The following ABHD2 variants were observed in gnomAD, a reference collection of about 807,000 sequenced individuals.
ABHD2 encodes the protein monoacylglycerol lipase ABHD2.
A neutral mutation model predicts 48.1 loss-of-function variants in ABHD2; 20 were observed. The ratio of observed to expected loss-of-function variants is 0.42; its 90% CI spans 0.29 to 0.60. The LOEUF (loss-of-function observed/expected upper bound fraction) is 0.60. Among genes scored for constraint, ABHD2 ranks in the 20% least tolerant of loss-of-function variants. The pLI is 0.24. For synonymous variants in ABHD2, 209 were observed against 214.2 expected (o/e 0.98, Z 0.21); for missense variants, 405 against 550.9 (o/e 0.74, Z 2.65).
chr15:89,122,329 C>A (rs763920686), intron 3 of ABHD2, among the ~76,000 whole-genome samples: 1 of 152,144 alleles, frequency 6.6e-6, no homozygotes, highest in African/African-American at 2.4e-5. Flanking sequence ...AATCAAGAGC[C>A]GCATACCTGG....
At position 89,120,541 on chromosome 15, in the gene ABHD2, G is replaced by A. The variant is rs761154665; in HGVS notation, c.194+4020G>A. The stretch of plus-strand genomic sequence containing the variant: ...GTTGCCTAGGCTGGAGTACAGTGGC[G>A]CAATCTCAAATCTCGGTTCACTGCA... On this transcript the variant is annotated intron_variant, in intron 3 of 10. Coordinates refer to ENST00000352732, the MANE Select transcript of ABHD2 (RefSeq NM_152924.5). This position sits in a 1 kb window ranked among gnomAD's most constrained non-coding sequence, Gnocchi z 4.2. Among the ~76,000 whole-genome samples, 4 of 151,990 alleles carry A rather than the reference G, an allele frequency of 2.6e-5. No homozygotes were observed. Among genetic ancestry groups the A allele is most frequent in the Non-Finnish European group, 4.4e-5 (3 of 68,010 alleles).
At chr15:89,130,914 A>G (rs1191471350) in intron 3 of ABHD2, among the ~76,000 whole-genome samples, 2 of 152,154 alleles carry the variant, frequency 1.3e-5, no homozygotes, top group Admixed American at 6.5e-5. Flanking sequence ...GAAGCAGCAC[A>G]CCTGTGTCCA....
At chr15:89,060,709 G>C in the ABHD2 span, among the ~76,000 whole-genome samples, 20 of 152,124 alleles carry the variant, frequency 1.3e-4, no homozygotes, top group East Asian at 3.3e-3. Flanking sequence ...TAAGTGATTT[G>C]TGTTCACTGT....
chr15:89,201,675 G>T lies in ABHD2; in HGVS notation c.*6252G>T, dbSNP rs934188248. On this transcript the variant is annotated 3_prime_UTR_variant, in exon 11 of 11. Transcript: ENST00000352732. Reference sequence around the variant, plus strand: ...CACTTTGAAACACACTTTTCTATCCGATGGATTTCGCAATTTAAGATTTGT... The same window carrying T: ...CACTTTGAAACACACTTTTCTATCCTATGGATTTCGCAATTTAAGATTTGT... The T allele has an allele frequency of 4.5e-5, 73 of 1,608,366 alleles. No individual in the cohort carries two copies. The East Asian group carries it at 1.2e-3, about 27-fold the overall frequency.
intron 3 of ABHD2, among the ~76,000 whole-genome samples, chr15:89,132,877 G>A (rs1346216422): frequency 6.6e-6 from 1 of 152,216 alleles, no homozygotes; most frequent in African/African-American, 2.4e-5. Flanking sequence ...GGATGGAGTT[G>A]TTGACCATCT....
rs142929307 is a variant in ABHD2, at chr15:89,118,324, C to T, written c.194+1803C>T. Among the ~76,000 whole-genome samples, 414 of 152,132 alleles carry T rather than the reference C, an allele frequency of 2.7e-3. 3 individuals are homozygous for T. Among genetic ancestry groups the T allele is most frequent in the African/African-American group, 9.6e-3 (398 of 41,510 alleles). ...TTAGCCTCCCCAGTAGCTGGGACTA[C>T]GTGCCACCACGCCCAGCTAATTTTT... is the stretch of plus-strand genomic sequence containing the variant. On this transcript the variant is annotated intron_variant, in intron 3 of 10. Transcript: ENST00000352732.
chr15:89,078,203 A>G, the ABHD2 span, among the ~76,000 whole-genome samples: 1 of 152,196 alleles, frequency 6.6e-6, no homozygotes, highest in East Asian at 1.9e-4. Context: ...GCCCTTAACA[A>G]CTTACATTGA....
At chr15:89,121,581 G>A (rs2050052025) in intron 3 of ABHD2, among the ~76,000 whole-genome samples, 1 of 151,902 alleles carries the variant, frequency 6.6e-6, no homozygotes, top group Non-Finnish European at 1.5e-5. Context: ...TCCCTTGGGT[G>A]TTTACAAAAG....
chr15:89,117,201 T>G (rs2049975210), intron 3 of ABHD2, among the ~76,000 whole-genome samples: 1 of 152,180 alleles, frequency 6.6e-6, no homozygotes, highest in East Asian at 1.9e-4. Flanking sequence ...AATTTTTGTA[T>G]TTTTAGTAGA....
At chr15:89,079,209 TC>T in the ABHD2 span, among the ~76,000 whole-genome samples, 1 of 152,234 alleles carries the variant, frequency 6.6e-6, no homozygotes, top group Non-Finnish European at 1.5e-5. The surrounding 1 kb of genome is among the most constrained non-coding windows in gnomAD (Gnocchi z 4.3). Flanking sequence ...TGACTGTTCC[TC>T]TACCCGCCCC....
rs1417152610 is a variant in ABHD2 at position 89,151,064 on chromosome 15, TC to T, written c.195-611del. 1.3e-5 allele frequency among the ~76,000 whole-genome samples: 2 copies of T among 152,252 alleles called. No individual in the cohort carries two copies. The highest frequency in any genetic ancestry group is 6.5e-5 in the Admixed American group (1 of 15,282). The stretch of plus-strand genomic sequence containing the variant: ...CCTTGCGTAGGCTAACAAGCCTTTA[TC>T]CTTAATCAATCCAACAAATATTTAC... On this transcript the variant is annotated intron_variant, in intron 3 of 10. Transcript: ENST00000352732. This position sits in a 1 kb window ranked among gnomAD's most constrained non-coding sequence, Gnocchi z 4.7.
the ABHD2 span, among the ~76,000 whole-genome samples, chr15:89,060,075 T>A: frequency 9.1e-5 from 12 of 131,252 alleles, no homozygotes; most frequent in Non-Finnish European, 1.4e-4. Context: ...TAAGAACCAC[T>A]CCAAGGCCTT....
intron 3 of ABHD2, among the ~76,000 whole-genome samples, chr15:89,133,342 G>T (rs1375958734): frequency 2.0e-5 from 3 of 152,118 alleles, no homozygotes; most frequent in Admixed American, 2.0e-4. Context: ...TCACAATGTT[G>T]CATTGAATGC....
rs1313390394 is a variant in ABHD2, at chr15:89,179,274, C to T, written c.722+3279C>T. 2.6e-5 allele frequency among the ~76,000 whole-genome samples: 4 copies of T among 152,126 alleles called. No homozygotes were observed. Among genetic ancestry groups the T allele is most frequent in the East Asian group, 1.9e-4 (1 of 5,196 alleles). The stretch of plus-strand genomic sequence containing the variant: ...ACCAGGCCGCACAGCAGGAGGTGAG[C>T]GGTGGGCAGGTCACAGTGGGCAAAG... On this transcript the variant is annotated intron_variant, in intron 6 of 10. Transcript: ENST00000352732. This position sits in a 1 kb window ranked among gnomAD's most constrained non-coding sequence, Gnocchi z 4.3.
chr15:89,169,060 T>G (rs1465826909), intron 5 of ABHD2, among the ~76,000 whole-genome samples: 1 of 151,954 alleles, frequency 6.6e-6, no homozygotes, highest in Non-Finnish European at 1.5e-5. Context: ...GCCACTGTAC[T>G]CCAGCCTAGG....
At chr15:89,148,313 A>G (rs2050532045) in intron 3 of ABHD2, among the ~76,000 whole-genome samples, 1 of 152,212 alleles carries the variant, frequency 6.6e-6, no homozygotes, top group African/African-American at 2.4e-5. Flanking sequence ...ACTAGTAAAC[A>G]TGAATCAGCG....
rs183225109 is a variant in ABHD2, at chr15:89,167,376, A to G, written c.539-8436A>G. Among the ~76,000 whole-genome samples the G allele has an allele frequency of 1.3e-5, 2 of 152,236 alleles. No individual in the cohort carries two copies. Among genetic ancestry groups the G allele is most frequent in the Admixed American group, 1.3e-4 (2 of 15,296 alleles). The stretch of plus-strand genomic sequence containing the variant: ...GGAAGAGATGGGTGAAGGGAGAGAG[A>G]GAATGTGAAAGTGAAGGTAGTGAGT... On this transcript the variant is annotated intron_variant, in intron 5 of 10. Coordinates refer to ENST00000352732, the MANE Select transcript of ABHD2 (RefSeq NM_152924.5). This position sits in a 1 kb window ranked among gnomAD's most constrained non-coding sequence, Gnocchi z 5.5.
At chr15:89,141,349 C>T (rs1045347019) in intron 3 of ABHD2, among the ~76,000 whole-genome samples, 3 of 152,122 alleles carry the variant, frequency 2.0e-5, no homozygotes, top group African/African-American at 4.8e-5. Context: ...AAAAACAGAA[C>T]GGCCAGGCAC....
At chr15:89,108,219 C>T (rs1217357962) in intron 1 of ABHD2, among the ~76,000 whole-genome samples, 1 of 152,142 alleles carries the variant, frequency 6.6e-6, no homozygotes, top group African/African-American at 2.4e-5. Flanking sequence ...AGTTTGAAAA[C>T]AGGTTTTACA....
Sources: allele counts gnomAD v4.1 joint callset (sites outside exome capture counted in the v4.1 genomes callset), GRCh38; gene constraint gnomAD v4.1.1; non-coding constraint Gnocchi (gnomAD v3.1); transcripts MANE v1.5; gene names NCBI Gene and HGNC (gene_info 2026-07-23, HGNC 2026-07-21).